The following TSNARE1 variants were observed in gnomAD, a reference collection of about 807,000 sequenced individuals.
The protein encoded by TSNARE1 is t-SNARE domain containing 1.
In TSNARE1, 49 loss-of-function variants were observed where a neutral mutation model predicts 62.0. The ratio of observed to expected loss-of-function variants is 0.79; its 90% CI spans 0.63 to 1.00. The LOEUF (loss-of-function observed/expected upper bound fraction) is 1.00, where lower values mean the gene tolerates loss of function less well. Among genes scored for constraint, TSNARE1 ranks in the 50% least tolerant of loss-of-function variants. TSNARE1 has a pLI of 0.00. For synonymous variants in TSNARE1, 328 were observed against 294.4 expected (o/e 1.11, Z -1.17); for missense variants, 755 against 700.1 (o/e 1.08, Z -0.88).
chr8:142,222,510 AC>A (rs1188291126), intron 13 of TSNARE1, among the ~76,000 whole-genome samples: 31 of 143,238 alleles, frequency 2.2e-4, no homozygotes, highest in South Asian at 4.8e-4. Flanking sequence ...TCATCCACTC[AC>A]TCACTCACTC....
chr8:142,273,056 C>T (rs1447997866), intron 12 of TSNARE1: 38 of 985,332 alleles, frequency 3.9e-5, no homozygotes, highest in South Asian at 1.4e-4. Context: ...GCCTTGCCCA[C>T]CTCCTCTGCA....
In TSNARE1 at chr8:142,306,395, G is replaced by A. The variant is rs11779055; in HGVS notation, c.1132-5751C>T. ...AATGTAGGCTGAGGTGGCCAGTGAC[G>A]GCAGAGACAGAGCATGACCTGCCAC... On this transcript the variant is annotated intron_variant, in intron 9 of 13. Transcript: ENST00000524325. Among the ~76,000 whole-genome samples the A allele has an allele frequency of 2.7e-3, 409 of 152,324 alleles. 2 individuals carry two copies. Among genetic ancestry groups the A allele is most frequent in the Non-Finnish European group, 5.1e-3 (348 of 68,024 alleles).
chr8:142,217,734 G>T (rs1338354491), intron 13 of TSNARE1, among the ~76,000 whole-genome samples: 1 of 152,220 alleles, frequency 6.6e-6, no homozygotes, highest in African/African-American at 2.4e-5. Context: ...AATGTAACTA[G>T]AATTAGGGTC....
intron 12 of TSNARE1, among the ~76,000 whole-genome samples, chr8:142,252,109 C>A (rs1427331799): frequency 6.6e-6 from 1 of 151,630 alleles, no homozygotes; most frequent in East Asian, 2.0e-4. Context: ...CTGCAGGGCC[C>A]GGGCACCATG....
Position 142,355,461 on chromosome 8 carries a change from C to T in TSNARE1, c.-39-698G>A, listed in dbSNP as rs145038178. Among the ~76,000 whole-genome samples, 849 of 152,314 alleles carry T rather than the reference C, an allele frequency of 5.6e-3. 24 individuals are homozygous for T. In the South Asian group the frequency reaches 0.076, roughly 14 times the overall value. ...CAACACATAACTCATGGGAGTGGCGCCACCCTTGGGGCACCGGCCGTCCCT... is the reference window on the plus strand; with the variant it reads ...CAACACATAACTCATGGGAGTGGCGTCACCCTTGGGGCACCGGCCGTCCCT... On this transcript the variant is annotated intron_variant, in intron 1 of 13. Coordinates refer to ENST00000524325, the MANE Select transcript of TSNARE1 (RefSeq NM_145003.5).
chr8:142,282,359 A>G (rs13258626), intron 11 of TSNARE1, among the ~76,000 whole-genome samples: 1 of 152,270 alleles, frequency 6.6e-6, no homozygotes, highest in Non-Finnish European at 1.5e-5. Flanking sequence ...GGAGGCTAGT[A>G]TCTGTCAACG....
At chr8:142,237,904 G>A (rs1173923657) in intron 12 of TSNARE1, among the ~76,000 whole-genome samples, 4 of 152,156 alleles carry the variant, frequency 2.6e-5, no homozygotes, top group Non-Finnish European at 4.4e-5. Flanking sequence ...GAAGCGTCGG[G>A]TTGGGGGAAG....
intron 10 of TSNARE1, 67 bp downstream of exon 10, chr8:142,300,419 G>C (rs1055624375): frequency 2.6e-6 from 4 of 1,521,296 alleles, no homozygotes; most frequent in Non-Finnish European, 2.6e-6. Context: ...CTGGCACCTG[G>C]GCTCCTCTGG....
chr8:142,251,622 T>C, intron 12 of TSNARE1, among the ~76,000 whole-genome samples: 1 of 151,840 alleles, frequency 6.6e-6, no homozygotes, highest in Admixed American at 6.5e-5. Context: ...GCCCGGCTTA[T>C]GAGAGGAGCC....
intron 1 of TSNARE1, among the ~76,000 whole-genome samples, chr8:142,396,942 G>A (rs933096496): frequency 2.4e-4 from 36 of 152,232 alleles, no homozygotes; most frequent in African/African-American, 8.4e-4. Flanking sequence ...GCTCTGTGAT[G>A]TGTGTAGCAG....
intron 11 of TSNARE1, chr8:142,275,075 G>A: frequency 1.0e-6 from 1 of 985,416 alleles, no homozygotes; most frequent in Non-Finnish European, 1.2e-6. Context: ...AGGCCTGGAG[G>A]TGGCCCAGGG....
rs778851216 is a variant in TSNARE1 at position 142,274,858 on chromosome 8, T to C, written c.1369A>G (p.Ile457Val). Reference protein sequence around the residue: ...VSEQGEAVDSIEASLEAASSH... With the variant: ...VSEQGEAVDSVEASLEAASSH... Reference sequence around the variant, plus strand: ...GACGCAGCCTCAAGGCTGGCTTCAATACTATCTGCAAATCAAGACAACAGA... The same window carrying C: ...GACGCAGCCTCAAGGCTGGCTTCAACACTATCTGCAAATCAAGACAACAGA... Residue 457 changes from isoleucine (I) to valine (V), a missense_variant, in exon 12 of 14, where the codon ATT becomes GTT. Physicochemically the swap from Ile to Val is conservative, Grantham distance 29 (BLOSUM62 3). Coordinates refer to ENST00000524325, the MANE Select transcript of TSNARE1 (RefSeq NM_145003.5). The C allele has an allele frequency of 6.4e-7, 1 of 1,564,918 alleles. No homozygotes were observed. The highest frequency in any genetic ancestry group is 1.2e-5 in the South Asian group (1 of 84,660).
chr8:142,380,414 C>T (rs1836653764), intron 1 of TSNARE1, among the ~76,000 whole-genome samples: 1 of 152,200 alleles, frequency 6.6e-6, no homozygotes, highest in Non-Finnish European at 1.5e-5. Flanking sequence ...CCAGGACAGG[C>T]TCATGGCATC....
At chr8:142,229,380 A>T (rs1284212818) in intron 13 of TSNARE1, 93 bp downstream of exon 13, 2 of 1,007,976 alleles carry the variant, frequency 2.0e-6, no homozygotes, top group Non-Finnish European at 3.1e-6. Context: ...AGATGGATGG[A>T]TGGTGGATGG....
chr8:142,332,496 A>C (rs12676425), intron 4 of TSNARE1, among the ~76,000 whole-genome samples: 49,899 of 152,032 alleles, frequency 0.33, 8,534 homozygotes, highest in East Asian at 0.61. Context: ...AGAATGCTGA[A>C]TATTCTAACA....
At chr8:142,355,265 G>A (rs1834635399) in intron 1 of TSNARE1, among the ~76,000 whole-genome samples, 1 of 152,242 alleles carries the variant, frequency 6.6e-6, no homozygotes, top group Non-Finnish European at 1.5e-5. Flanking sequence ...GTCAGGCCCG[G>A]GGTTGGCTCT....
intron 12 of TSNARE1, among the ~76,000 whole-genome samples, chr8:142,232,627 ACT>A (rs1460164492): frequency 2.0e-5 from 3 of 151,918 alleles, no homozygotes; most frequent in Non-Finnish European, 2.9e-5. Context: ...GCCCAGGGAC[ACT>A]CTGCAGCTCC....
chr8:142,404,842 T>G (rs561794246), upstream of TSNARE1: 14 of 152,424 alleles, frequency 9.2e-5, no homozygotes, highest in African/African-American at 3.4e-4. Flanking sequence ...GCTGTCTGTC[T>G]GGCCGCCACC....
At chr8:142,370,878 C>A (rs1032879904) in intron 1 of TSNARE1, among the ~76,000 whole-genome samples, 1 of 150,508 alleles carries the variant, frequency 6.6e-6, no homozygotes, top group African/African-American at 2.4e-5. Flanking sequence ...AGCCAGAATT[C>A]TATACCCAGT....
Sources: allele counts gnomAD v4.1 joint callset (sites outside exome capture counted in the v4.1 genomes callset), GRCh38; gene constraint gnomAD v4.1.1; transcripts MANE v1.5; gene names NCBI Gene and HGNC (gene_info 2026-07-23, HGNC 2026-07-21).